The following AKAP6 variants were observed in gnomAD, a reference collection of about 807,000 sequenced individuals.
The protein encoded by AKAP6 is A-kinase anchoring protein 6, also known as A-kinase anchor protein 6.
AKAP6 carries 58 observed loss-of-function variants against 188.5 expected under a neutral mutation model. The ratio of observed to expected loss-of-function variants is 0.31; its 90% CI spans 0.25 to 0.38. The LOEUF (loss-of-function observed/expected upper bound fraction) is 0.38, where lower values mean the gene tolerates loss of function less well. Among genes scored for constraint, AKAP6 ranks in the 10% least tolerant of loss-of-function variants. The pLI, the probability that AKAP6 is intolerant of heterozygous loss-of-function variation, is 1.00. For missense variants in AKAP6, 2,710 were observed against 2,740.0 expected (o/e 0.99, Z 0.24); for synonymous variants, 989 against 998.6 (o/e 0.99, Z 0.18).
At chr14:32,410,309 C>A (rs1889440345) in intron 1 of AKAP6, among the ~76,000 whole-genome samples, 1 of 152,178 alleles carries the variant, frequency 6.6e-6, no homozygotes, top group Admixed American at 6.6e-5. Flanking sequence ...TTTATCTTAA[C>A]CCAAACATTT....
chr14:32,472,964 G>A lies in AKAP6; in HGVS notation c.324+39147G>A, dbSNP rs901381794. Among the ~76,000 whole-genome samples, 10 of 152,324 alleles carry A rather than the reference G, an allele frequency of 6.6e-5. No homozygotes were observed. In the East Asian group the frequency reaches 1.7e-3, roughly 26 times the overall value. Reference sequence around the variant, plus strand: ...TGGAATGCCACATGGGTTACAAAGAGTGAAAATCTAGTTTAAACTGGTTGG... The same window carrying A: ...TGGAATGCCACATGGGTTACAAAGAATGAAAATCTAGTTTAAACTGGTTGG... On this transcript the variant is annotated intron_variant, in intron 2 of 13. Transcript: ENST00000280979.
chr14:32,735,702 T>C lies in AKAP6; in HGVS notation c.3192T>C (p.Ser1064=). The C allele has an allele frequency of 6.2e-7, 1 of 1,613,310 alleles. No homozygotes were observed. The highest frequency in any genetic ancestry group is 1.1e-5 in the South Asian group (1 of 91,028). ...EKIQDTMAGH[S]GSSPRDLLSP... is the part of the protein sequence containing the mutation. ...TCCAGGACACAATGGCAGGGCACAGTGGGTCGAGTCCACGTGACCTGCTCT... is the reference window on the plus strand; with the variant it reads ...TCCAGGACACAATGGCAGGGCACAGCGGGTCGAGTCCACGTGACCTGCTCT... Residue 1064 remains serine (S), a synonymous_variant, in exon 11 of 14, where the codon AGT becomes AGC. Transcript: ENST00000280979.
At chr14:32,806,128 T>C (rs921375181) in intron 12 of AKAP6, among the ~76,000 whole-genome samples, 1 of 152,178 alleles carries the variant, frequency 6.6e-6, no homozygotes, top group Non-Finnish European at 1.5e-5. Flanking sequence ...GAAGTACCAT[T>C]TGAGTGCCTG....
At chr14:32,791,812 G>C (rs1311169236) in intron 12 of AKAP6, among the ~76,000 whole-genome samples, 1 of 152,102 alleles carries the variant, frequency 6.6e-6, no homozygotes, top group Admixed American at 6.5e-5. Context: ...ATGTAAGGAA[G>C]GGGTCCAGTT....
chr14:32,682,843 G>T (rs766174855), intron 8 of AKAP6, among the ~76,000 whole-genome samples: 2 of 152,084 alleles, frequency 1.3e-5, no homozygotes, highest in Non-Finnish European at 2.9e-5. Context: ...ATGGTCTCTG[G>T]ACCACCAGCA....
At chr14:32,495,854 G>C (rs1381326308) in intron 2 of AKAP6, among the ~76,000 whole-genome samples, 1 of 152,090 alleles carries the variant, frequency 6.6e-6, no homozygotes, top group Non-Finnish European at 1.5e-5. Flanking sequence ...TGAAGAGTAA[G>C]ATGAAAATCA....
At chr14:32,465,626 A>G (rs922429686) in intron 2 of AKAP6, among the ~76,000 whole-genome samples, 6 of 152,232 alleles carry the variant, frequency 3.9e-5, no homozygotes, top group African/African-American at 1.4e-4. Flanking sequence ...ACCTAAAACC[A>G]TAAAAACCCT....
chr14:32,698,247 G>A (rs1384175123), intron 9 of AKAP6, among the ~76,000 whole-genome samples: 1 of 152,036 alleles, frequency 6.6e-6, no homozygotes, highest in Non-Finnish European at 1.5e-5. Flanking sequence ...AGAATCCTCA[G>A]GGATTTCCAG....
chr14:32,421,763 T>C (rs903980286), intron 1 of AKAP6, among the ~76,000 whole-genome samples: 28 of 152,186 alleles, frequency 1.8e-4, no homozygotes, highest in Non-Finnish European at 3.2e-4. Context: ...TGAATGTCAC[T>C]GTAGGGTAAT....
chr14:32,590,294 G>A (rs1313724801), intron 5 of AKAP6, among the ~76,000 whole-genome samples: 1 of 151,596 alleles, frequency 6.6e-6, no homozygotes, highest in East Asian at 2.0e-4. Flanking sequence ...TGTCTCTTTG[G>A]TGTCTCCCCC....
intron 12 of AKAP6, among the ~76,000 whole-genome samples, chr14:32,810,507 C>A (rs948129782): frequency 4.6e-5 from 7 of 152,144 alleles, no homozygotes; most frequent in Admixed American, 1.3e-4. Context: ...AAAAAGAAAC[C>A]CTCCCAGGGG....
At chr14:32,563,857 G>A (rs978140706) in intron 4 of AKAP6, among the ~76,000 whole-genome samples, 2 of 152,178 alleles carry the variant, frequency 1.3e-5, no homozygotes, top group African/African-American at 4.8e-5. Context: ...CTATGCATGT[G>A]TGTTCAGACA....
Position 32,535,736 on chromosome 14 carries a change from G to A in AKAP6, c.507G>A (p.Leu169=). 2 of 1,614,220 alleles carry A rather than the reference G, an allele frequency of 1.2e-6. No homozygotes were observed. Among genetic ancestry groups the A allele is most frequent in the Non-Finnish European group, 1.7e-6 (2 of 1,180,020 alleles). ...LVLRERILQG[L]QDANGNYTRQ... is the part of the protein sequence containing the mutation. The stretch of plus-strand genomic sequence containing the variant: ...TGCGGGAGCGCATTCTGCAAGGTCT[G>A]CAGGACGCCAATGGCAACTACACTA... The change falls in exon 3 of 14, where the codon CTG becomes CTA. Residue 169 remains leucine, a synonymous_variant. Coordinates refer to ENST00000280979, the MANE Select transcript of AKAP6 (RefSeq NM_004274.5).
chr14:32,570,433 C>T lies in AKAP6; in HGVS notation c.2347-6687C>T, dbSNP rs144774233. ...CTGGGATTACAGGTGTGAGCCACTG[C>T]GCCTGGCCCGTGTGGGGACTTTTAA... On this transcript the variant is annotated intron_variant, in intron 4 of 13. Transcript: ENST00000280979. Among the ~76,000 whole-genome samples the T allele has an allele frequency of 1.7e-4, 26 of 152,074 alleles. No individual in the cohort carries two copies. In the East Asian group the frequency reaches 3.3e-3, roughly 19 times the overall value.
intron 2 of AKAP6, among the ~76,000 whole-genome samples, chr14:32,498,132 A>G (rs1438094286): frequency 6.6e-6 from 1 of 152,152 alleles, no homozygotes; most frequent in Non-Finnish European, 1.5e-5. Context: ...TATGGCTTTT[A>G]TAGTCCTTCC....
chr14:32,776,255 G>A (rs763942253), intron 12 of AKAP6, among the ~76,000 whole-genome samples: 2 of 152,246 alleles, frequency 1.3e-5, no homozygotes, highest in East Asian at 1.9e-4. Flanking sequence ...TAGATGTTAT[G>A]GGAGGGACCG....
intron 1 of AKAP6, among the ~76,000 whole-genome samples, chr14:32,422,162 C>T (rs1057076024): frequency 1.3e-5 from 2 of 152,130 alleles, no homozygotes; most frequent in Non-Finnish European, 2.9e-5. Flanking sequence ...ATGATTGTCT[C>T]TTTATCTGGA....
chr14:32,391,073 C>G (rs1005973830), intron 1 of AKAP6, among the ~76,000 whole-genome samples: 1 of 152,140 alleles, frequency 6.6e-6, no homozygotes, highest in African/African-American at 2.4e-5. Flanking sequence ...CAGTTGTTCC[C>G]TGAGACCCAG....
At chr14:32,660,653 G>T (rs2139572672) in intron 7 of AKAP6, among the ~76,000 whole-genome samples, 1 of 152,152 alleles carries the variant, frequency 6.6e-6, no homozygotes, top group East Asian at 1.9e-4. Flanking sequence ...AGGAGTTTGT[G>T]AGGCCTATCT....
Sources: allele counts gnomAD v4.1 joint callset (sites outside exome capture counted in the v4.1 genomes callset), GRCh38; gene constraint gnomAD v4.1.1; transcripts MANE v1.5; gene names NCBI Gene and HGNC (gene_info 2026-07-23, HGNC 2026-07-21).